The following CNTN4 variants were observed in gnomAD, a reference collection of about 807,000 sequenced individuals.
CNTN4 encodes the protein contactin 4, also known as contactin-4.
Under a neutral mutation model 122.5 loss-of-function variants are expected in CNTN4, and 77 were observed. The observed-to-expected ratio is 0.63, with a 90% CI of 0.52 to 0.76. The LOEUF (loss-of-function observed/expected upper bound fraction) is 0.76, where lower values mean the gene tolerates loss of function less well. CNTN4 is among the 30% of genes least tolerant of loss of function. The probability of loss-of-function intolerance (pLI) is 0.00; values close to 1 mark genes in which losing one functional copy is unlikely to be tolerated. For missense variants in CNTN4, 1,256 were observed against 1,259.1 expected, an observed-to-expected ratio of 1.00 and a Z score of 0.04; for synonymous variants, 512 against 447.0, an observed-to-expected ratio of 1.15 and a Z score of -1.83.
chr3:2,820,144 G>C (rs1029854058), intron 7 of CNTN4, among the ~76,000 whole-genome samples: 1 of 152,082 alleles, frequency 6.6e-6, no homozygotes, highest in African/African-American at 2.4e-5. Context: ...GTCCCACAAG[G>C]CTGCCTCCAC....
At chr3:2,967,336 T>G (rs1692422906) in intron 13 of CNTN4, among the ~76,000 whole-genome samples, 1 of 152,134 alleles carries the variant, frequency 6.6e-6, no homozygotes, top group African/African-American at 2.4e-5. Context: ...TGGTCTTAGA[T>G]TTTACAATAG....
chr3:2,451,572 G>GT (rs964828341), intron 3 of CNTN4, among the ~76,000 whole-genome samples: 13 of 151,664 alleles, frequency 8.6e-5, no homozygotes, highest in Admixed American at 4.6e-4. Flanking sequence ...GGAATTACCA[G>GT]TTTTTTATTT....
At chr3:2,947,378 C>T (rs537661959) in intron 13 of CNTN4, among the ~76,000 whole-genome samples, 3 of 152,302 alleles carry the variant, frequency 2.0e-5, no homozygotes, top group African/African-American at 7.2e-5. Flanking sequence ...TGCTTACCTC[C>T]TATAGGCAAT....
intron 23 of CNTN4, among the ~76,000 whole-genome samples, chr3:3,047,264 G>A (rs1257252831): frequency 6.6e-6 from 1 of 151,992 alleles, no homozygotes; most frequent in African/African-American, 2.4e-5. Context: ...ACTCAGCTCT[G>A]CACCAAGCAG....
intron 4 of CNTN4, among the ~76,000 whole-genome samples, chr3:2,586,688 C>T (rs187295547): frequency 6.6e-6 from 1 of 152,346 alleles, no homozygotes; most frequent in East Asian, 1.9e-4. Context: ...CAATAGCTTC[C>T]TCCTCAGTTA....
At chr3:2,658,833 A>G (rs963516374) in intron 4 of CNTN4, among the ~76,000 whole-genome samples, 4 of 152,106 alleles carry the variant, frequency 2.6e-5, no homozygotes, top group South Asian at 4.1e-4. Context: ...AGCTCACTCT[A>G]TCTCCAATAG....
rs2094449050 is a variant in CNTN4, at chr3:2,923,725, T to TA, written c.1208-1903dup. On this transcript the variant is annotated intron_variant, in intron 12 of 24. Transcript: ENST00000418658. ...CTTCTCATGCATGTGCACACACACA[T>TA]ACACTGTATTTTTTGTAGTAGTTAT... Among the ~76,000 whole-genome samples the TA allele has an allele frequency of 2.0e-5, 3 of 152,344 alleles. No individual in the cohort carries two copies. The South Asian group carries it at 6.2e-4, about 32-fold the overall frequency.
intron 13 of CNTN4, among the ~76,000 whole-genome samples, chr3:2,981,295 T>C (rs564712964): frequency 9.9e-5 from 15 of 151,674 alleles, no homozygotes; most frequent in Non-Finnish European, 1.9e-4. Flanking sequence ...ATACAAAAAA[T>C]TAGCCGGGCG....
intron 2 of CNTN4, among the ~76,000 whole-genome samples, chr3:2,241,881 A>G (rs1165904159): frequency 1.3e-5 from 2 of 152,170 alleles, no homozygotes; most frequent in African/African-American, 4.8e-5. Flanking sequence ...GGGTGGGCCA[A>G]TTATTTCTGT....
At chr3:2,703,680 TA>T (rs1328279436) in intron 4 of CNTN4, among the ~76,000 whole-genome samples, 6 of 151,974 alleles carry the variant, frequency 3.9e-5, no homozygotes, top group Admixed American at 3.3e-4. Context: ...TTAACTTAAA[TA>T]AACATTAAAT....
At chr3:2,661,916 C>G (rs1407969300) in intron 4 of CNTN4, among the ~76,000 whole-genome samples, 1 of 151,822 alleles carries the variant, frequency 6.6e-6, no homozygotes, top group Admixed American at 6.6e-5. Context: ...TCAGCATTTC[C>G]CAAATTCAGA....
intron 4 of CNTN4, among the ~76,000 whole-genome samples, chr3:2,659,708 C>G (rs75872039): frequency 0.077 from 11,648 of 152,106 alleles, 485 homozygotes; most frequent in Admixed American, 0.14. Flanking sequence ...AGCCCAGAGC[C>G]ACATCTTTTC....
chr3:2,224,995 C>T (rs1229737401), intron 2 of CNTN4, among the ~76,000 whole-genome samples: 1 of 149,196 alleles, frequency 6.7e-6, no homozygotes, highest in Non-Finnish European at 1.5e-5. Flanking sequence ...CTAAAAAATA[C>T]AAAAATTAGC....
intron 12 of CNTN4, among the ~76,000 whole-genome samples, chr3:2,924,711 C>T (rs770022988): frequency 2.5e-4 from 38 of 152,236 alleles, no homozygotes; most frequent in Non-Finnish European, 4.7e-4. Flanking sequence ...ATAGAGCTAT[C>T]TCAACACCTA....
intron 10 of CNTN4, among the ~76,000 whole-genome samples, chr3:2,887,798 C>G (rs1302738085): frequency 6.6e-6 from 1 of 152,058 alleles, no homozygotes; most frequent in East Asian, 1.9e-4. Context: ...AGCATTGATC[C>G]AAACAATATA....
chr3:2,581,899 G>A (rs953197900), intron 4 of CNTN4, among the ~76,000 whole-genome samples: 1 of 152,162 alleles, frequency 6.6e-6, no homozygotes, highest in African/African-American at 2.4e-5. Flanking sequence ...AGAGACAAAG[G>A]CCACATATTG....
At chr3:2,452,364 A>G (rs147269439) in intron 3 of CNTN4, among the ~76,000 whole-genome samples, 2,441 of 152,204 alleles carry the variant, frequency 0.016, 68 homozygotes, top group African/African-American at 0.055. Flanking sequence ...ATGCGAATTC[A>G]CCGAGGCTTT....
At chr3:2,115,685 A>G (rs2033300976) in intron 2 of CNTN4, among the ~76,000 whole-genome samples, 1 of 152,210 alleles carries the variant, frequency 6.6e-6, no homozygotes, top group African/African-American at 2.4e-5. Context: ...ATTGGTTTTC[A>G]AGTTGTGGTG....
At chr3:2,397,022 A>G (rs2046666305) in intron 3 of CNTN4, among the ~76,000 whole-genome samples, 1 of 152,186 alleles carries the variant, frequency 6.6e-6, no homozygotes, top group Non-Finnish European at 1.5e-5. Context: ...GATTGCTTCA[A>G]GGGTTTTGAT....
Sources: gnomAD v4.1 joint callset for allele counts (sites outside exome capture counted in the v4.1 genomes callset) on GRCh38, gnomAD v4.1.1 for gene constraint, MANE v1.5 for transcripts, NCBI Gene and HGNC (gene_info 2026-07-23, HGNC 2026-07-21) for gene names.